The following USH2A variants were observed in gnomAD, a reference collection of about 807,000 sequenced individuals.
The protein encoded by USH2A is usherin, also known as Usher syndrome 2A (autosomal recessive, mild).
Under a neutral mutation model 538.9 loss-of-function variants are expected in USH2A, and 443 were observed. The observed-to-expected ratio is 0.82, with a 90% CI of 0.76 to 0.89. The LOEUF is 0.89. Ranked by LOEUF, USH2A falls within the 40% of genes least tolerant of loss-of-function variation. The probability of loss-of-function intolerance (pLI) is 0.00; values close to 1 mark genes in which losing one functional copy is unlikely to be tolerated. For synonymous variants in USH2A, 2,413 were observed against 2,273.5 expected, an observed-to-expected ratio of 1.06 and a Z score of -1.75; for missense variants, 6,633 against 6,324.8, an observed-to-expected ratio of 1.05 and a Z score of -1.65.
chr1:216,315,615 G>C (rs542736437), intron 9 of USH2A, among the ~76,000 whole-genome samples: 200 of 152,072 alleles, frequency 1.3e-3, no homozygotes, highest in Non-Finnish European at 2.2e-3. Context: ...TCACACTTTT[G>C]ATGTAAAAAG....
At chr1:215,909,018 A>C (rs1571802872) in intron 38 of USH2A, among the ~76,000 whole-genome samples, 2 of 149,494 alleles carry the variant, frequency 1.3e-5, no homozygotes, top group East Asian at 1.9e-4. Context: ...TATATCATTA[A>C]ATATATTATA....
At position 215,625,570 on chromosome 1, in the gene USH2A, A is replaced by G. The variant is rs1367421697; in HGVS notation, c.*211T>C. On this transcript the variant is annotated 3_prime_UTR_variant, in exon 72 of 72. Transcript: ENST00000307340. ...ATAAGAGCAAATCAAGTATTTTCAT[A>G]TGAATATTCTCTCTCATTTAAGATG... is the stretch of plus-strand genomic sequence containing the variant. The G allele has an allele frequency of 1.7e-6, 1 of 595,126 alleles. No individual in the cohort carries two copies. The highest frequency in any genetic ancestry group is 1.9e-5 in the African/African-American group (1 of 53,576). The allele number at this position is 595,126 out of a possible 1,614,324, so 36.9% of individuals were successfully genotyped here. A position where few individuals can be genotyped will look rare whatever the true frequency, so the allele number is the denominator to read the frequency against.
At chr1:215,643,096 A>G (rs185472496) in intron 67 of USH2A, among the ~76,000 whole-genome samples, 1 of 152,194 alleles carries the variant, frequency 6.6e-6, no homozygotes, top group East Asian at 1.9e-4. Context: ...CCCAGGTTCA[A>G]GTGATTCTCA....
intron 11 of USH2A, among the ~76,000 whole-genome samples, chr1:216,255,230 A>G (rs1359413223): frequency 6.6e-6 from 1 of 152,216 alleles, no homozygotes; most frequent in Non-Finnish European, 1.5e-5. Context: ...AGAAATGATC[A>G]TCCCCATGAG....
At chr1:216,404,341 A>AT (rs1317221908) in intron 3 of USH2A, among the ~76,000 whole-genome samples, 1 of 152,128 alleles carries the variant, frequency 6.6e-6, no homozygotes, top group Admixed American at 6.6e-5. Flanking sequence ...AAGGTTTATT[A>AT]TTTTTTGTAA....
intron 41 of USH2A, among the ~76,000 whole-genome samples, chr1:215,885,869 C>T (rs1464452704): frequency 6.6e-6 from 1 of 152,142 alleles, no homozygotes; most frequent in East Asian, 1.9e-4. Context: ...TTGTATTATC[C>T]CCCACCCTAT....
chr1:215,760,266 T>A (rs1216202987), intron 56 of USH2A, among the ~76,000 whole-genome samples: 1 of 152,186 alleles, frequency 6.6e-6, no homozygotes, highest in Non-Finnish European at 1.5e-5. Context: ...GATGCTTCTC[T>A]TTTCCTCTCT....
intron 21 of USH2A, among the ~76,000 whole-genome samples, chr1:216,100,324 C>T (rs566836908): frequency 6.6e-6 from 1 of 152,214 alleles, no homozygotes; most frequent in African/African-American, 2.4e-5. Flanking sequence ...AATTAATTAT[C>T]AGGGTAGACC....
At chr1:215,938,825 G>T (rs1448974383) in intron 37 of USH2A, among the ~76,000 whole-genome samples, 4 of 152,094 alleles carry the variant, frequency 2.6e-5, no homozygotes, top group African/African-American at 4.8e-5. Context: ...AAATGAGGTT[G>T]CCAATACCAA....
chr1:216,100,706 A>G (rs1235501160), intron 21 of USH2A, among the ~76,000 whole-genome samples: 4 of 152,182 alleles, frequency 2.6e-5, no homozygotes, highest in African/African-American at 4.8e-5. Flanking sequence ...TAATTGCTCA[A>G]TCTGGGAAGA....
At chr1:215,994,654 C>T (rs1668092335) in intron 34 of USH2A, among the ~76,000 whole-genome samples, 1 of 152,076 alleles carries the variant, frequency 6.6e-6, no homozygotes. Flanking sequence ...TGGGTTTCCT[C>T]TAATTCTCAG....
At chr1:216,366,485 T>C (rs968002009) in intron 3 of USH2A, among the ~76,000 whole-genome samples, 1 of 152,138 alleles carries the variant, frequency 6.6e-6, no homozygotes, top group Non-Finnish European at 1.5e-5. Flanking sequence ...TTAATGCTTT[T>C]ATGTTAAAAA....
intron 64 of USH2A, among the ~76,000 whole-genome samples, chr1:215,653,127 T>C (rs551887341): frequency 1.2e-4 from 18 of 152,338 alleles, no homozygotes; most frequent in African/African-American, 4.1e-4. Flanking sequence ...TCATAAATAC[T>C]ATTAAGGCTT....
At chr1:216,418,082 C>A (rs1168827301) in intron 3 of USH2A, among the ~76,000 whole-genome samples, 1 of 152,072 alleles carries the variant, frequency 6.6e-6, no homozygotes, top group Non-Finnish European at 1.5e-5. Context: ...CATTTTAATG[C>A]AACAGACAAA....
intron 32 of USH2A, among the ~76,000 whole-genome samples, chr1:216,011,507 AAAC>A (rs1214135593): frequency 2.0e-5 from 3 of 152,100 alleles, no homozygotes; most frequent in African/African-American, 4.8e-5. Flanking sequence ...ATCCCTTACA[AAAC>A]AACAATTCCT....
chr1:216,115,322 T>A (rs532698284), intron 21 of USH2A, among the ~76,000 whole-genome samples: 2 of 152,096 alleles, frequency 1.3e-5, no homozygotes, highest in African/African-American at 4.8e-5. Context: ...TTAAAAGACT[T>A]TTTTGTAGAA....
rs756623509 is a variant in USH2A, at chr1:216,198,476, G to C, written c.3920C>G (p.Ser1307Ter). ...ATTTTCATTGGCCGATTCTACAAATGAATGAGGACTGAGCCAACCACTGCT... is the reference window on the plus strand; with the variant it reads ...ATTTTCATTGGCCGATTCTACAAATCAATGAGGACTGAGCCAACCACTGCT... ...FQSSGWLSPH[S>*]FVESANENAL... The change falls in exon 18 of 72, where the codon TCA becomes TGA. Residue 1307 changes from serine to a stop codon, truncating the protein, a stop_gained. Transcript: ENST00000307340. LOFTEE classifies it high-confidence loss of function. 1.9e-6 allele frequency: 3 copies of C among 1,614,056 alleles called. No individual in the cohort carries two copies. The highest frequency in any genetic ancestry group is 2.5e-6 in the Non-Finnish European group (3 of 1,179,974).
At chr1:215,672,622 GCTA>G (rs1343658036) in intron 63 of USH2A, among the ~76,000 whole-genome samples, 5 of 152,178 alleles carry the variant, frequency 3.3e-5, no homozygotes, top group African/African-American at 1.2e-4. Context: ...GATTCCTTCT[GCTA>G]CTTAGGACTT....
chr1:215,773,492 G>A (rs74141407), intron 55 of USH2A, among the ~76,000 whole-genome samples: 1 of 84,436 alleles, frequency 1.2e-5, no homozygotes, highest in Admixed American at 1.1e-4. Flanking sequence ...CTGTCTCTCT[G>A]TCTCTCTCTC....
Sources: allele counts gnomAD v4.1 joint callset (sites outside exome capture counted in the v4.1 genomes callset), GRCh38; gene constraint gnomAD v4.1.1; transcripts MANE v1.5; gene names NCBI Gene and HGNC (gene_info 2026-07-23, HGNC 2026-07-21).